GDPD5: variants seen among roughly 807,000 people sequenced by gnomAD.
GDPD5 encodes glycerophosphodiester phosphodiesterase 2.
A neutral mutation model predicts 75.1 loss-of-function variants in GDPD5; 48 were observed. That is an observed-to-expected ratio of 0.64 (90% CI 0.51 to 0.81). GDPD5 has a LOEUF of 0.81. GDPD5 is among the 40% of genes least tolerant of loss of function. The probability of loss-of-function intolerance (pLI) is 0.00; values close to 1 mark genes in which losing one functional copy is unlikely to be tolerated. For missense variants in GDPD5, 706 were observed against 822.6 expected (o/e 0.86, Z 1.73); for synonymous variants, 336 against 339.0 (o/e 0.99, Z 0.10).
chr11:75,485,505 T>C (rs927463471), intron 2 of GDPD5: 6 of 120,476 alleles, frequency 5.0e-5, no homozygotes, highest in Non-Finnish European at 8.6e-5. Context: ...AAAAAGTGTA[T>C]TAAATACACA....
intron 3 of GDPD5, among the ~76,000 whole-genome samples, chr11:75,471,020 G>C (rs887466361): frequency 6.6e-6 from 1 of 152,208 alleles, no homozygotes; most frequent in Non-Finnish European, 1.5e-5. Context: ...TGCACCCTCA[G>C]CACACGGTCC....
Position 75,441,229 on chromosome 11 carries a change from C to G in GDPD5, c.1407G>C (p.Gly469=). The stretch of plus-strand genomic sequence containing the variant: ...AGTTGTCAGAGGTGACGGATGGGAC[C>G]CCCGCACACCACAGCAGGGAGAAGA... ...PWLFSLLWCA[G]VPSVTSDNSH... Residue 469 remains glycine, a synonymous_variant, in exon 14 of 17, where the codon GGG becomes GGC. Coordinates refer to ENST00000336898, the MANE Select transcript of GDPD5 (RefSeq NM_030792.8). The G allele has an allele frequency of 6.2e-7, 1 of 1,614,084 alleles. No homozygotes were observed. The highest frequency in any genetic ancestry group is 8.5e-7 in the Non-Finnish European group (1 of 1,180,000).
intron 12 of GDPD5, 90 bp from the exon 13 acceptor site, chr11:75,441,893 G>C: frequency 7.7e-7 from 1 of 1,304,608 alleles, no homozygotes. Context: ...GGGGTTAAGA[G>C]ACAGGACCTG....
intron 14 of GDPD5, among the ~76,000 whole-genome samples, chr11:75,440,265 A>G (rs531063957): frequency 9.2e-5 from 14 of 152,112 alleles, no homozygotes; most frequent in Non-Finnish European, 1.9e-4. Flanking sequence ...GGGTCCTCAA[A>G]GCAGGAGCCA....
At chr11:75,476,598 C>T (rs1790153) in intron 3 of GDPD5, among the ~76,000 whole-genome samples, 89,204 of 151,900 alleles carry the variant, frequency 0.59, 27,155 homozygotes, top group East Asian at 0.79. Flanking sequence ...TGCCCTGTGG[C>T]CTTGGGCAGG....
rs149812576 is a variant in GDPD5, at chr11:75,504,825, T to C, written c.-144-14505A>G. Among the ~76,000 whole-genome samples, 26 of 152,278 alleles carry C rather than the reference T, an allele frequency of 1.7e-4. No homozygotes were observed. In the East Asian group the frequency reaches 4.8e-3, roughly 28 times the overall value. ...ATGTTTGTTAACTTAAATAATACAA[T>C]TTTTAAAAATACTCTCACTCGGCCA... On this transcript the variant is annotated intron_variant, in intron 1 of 16. Transcript: ENST00000336898.
chr11:75,506,510 T>A (rs567926763), intron 1 of GDPD5: 2 of 152,358 alleles, frequency 1.3e-5, no homozygotes, highest in East Asian at 3.9e-4. Flanking sequence ...CAAAGCCTTC[T>A]ATTCTTAGCT....
chr11:75,519,779 G>T (rs778941775), intron 1 of GDPD5, among the ~76,000 whole-genome samples: 42 of 152,312 alleles, frequency 2.8e-4, no homozygotes, highest in Admixed American at 1.8e-3. Flanking sequence ...CTCACAATTT[G>T]GAAGTTTTGC....
intron 3 of GDPD5, among the ~76,000 whole-genome samples, chr11:75,475,756 C>T (rs1949765182): frequency 6.6e-6 from 1 of 152,180 alleles, no homozygotes; most frequent in South Asian, 2.1e-4. Flanking sequence ...CCCAGAGCTG[C>T]TGTAAAGCCC....
intron 3 of GDPD5, among the ~76,000 whole-genome samples, chr11:75,475,866 G>A (rs1001696208): frequency 6.6e-6 from 1 of 152,160 alleles, no homozygotes; most frequent in East Asian, 1.9e-4. Flanking sequence ...AGCCTTGCAG[G>A]GCACATTCTG....
At chr11:75,506,479 C>T (rs894619145) in intron 1 of GDPD5, among the ~76,000 whole-genome samples, 2 of 152,216 alleles carry the variant, frequency 1.3e-5, no homozygotes, top group Non-Finnish European at 2.9e-5. Flanking sequence ...CTGATATGAT[C>T]CGGCTGCTAC....
At chr11:75,493,609 A>G (rs191708774) in intron 1 of GDPD5, among the ~76,000 whole-genome samples, 31 of 152,130 alleles carry the variant, frequency 2.0e-4, no homozygotes, top group African/African-American at 5.5e-4. Flanking sequence ...TTCTGTTAAG[A>G]TGCTGTGAAG....
At chr11:75,493,324 C>T (rs1445152223) in intron 1 of GDPD5, among the ~76,000 whole-genome samples, 3 of 151,710 alleles carry the variant, frequency 2.0e-5, no homozygotes, top group African/African-American at 7.3e-5. Context: ...GACCTGTAAT[C>T]CTAAACATTC....
At position 75,442,581 on chromosome 11, in the gene GDPD5, T is replaced by C; in HGVS notation, c.949A>G (p.Thr317Ala). ...RLNAGQWFLK[T>A]DPFWTASSLS... is the part of the protein sequence containing the mutation. Reference sequence around the variant, plus strand: ...GAGCTGGCTGTCCAGAAGGGGTCAGTCTGGCAGGGACAGGGACACACACAT... The same window carrying C: ...GAGCTGGCTGTCCAGAAGGGGTCAGCCTGGCAGGGACAGGGACACACACAT... Residue 317 changes from threonine (T) to alanine (A), a missense_variant and splice_region_variant, in exon 12 of 17, where the codon ACT (threonine) becomes GCT (alanine). Thr to Ala is a moderately conservative substitution (Grantham distance 58). Coordinates refer to ENST00000336898, the MANE Select transcript of GDPD5 (RefSeq NM_030792.8). 1.9e-6 allele frequency: 3 copies of C among 1,613,880 alleles called. No homozygotes were observed. Among genetic ancestry groups the C allele is most frequent in the Non-Finnish European group, 2.5e-6 (3 of 1,179,926 alleles).
At chr11:75,505,517 G>A (rs745851669) in intron 1 of GDPD5, among the ~76,000 whole-genome samples, 4 of 152,200 alleles carry the variant, frequency 2.6e-5, no homozygotes, top group Middle Eastern at 3.2e-3. Flanking sequence ...TACCATCAGA[G>A]AATGACCTGC....
At chr11:75,509,885 G>A (rs1950479489) in intron 1 of GDPD5, among the ~76,000 whole-genome samples, 1 of 152,160 alleles carries the variant, frequency 6.6e-6, no homozygotes, top group African/African-American at 2.4e-5. Flanking sequence ...TCACCATGTT[G>A]GCCAGGCTGG....
intron 1 of GDPD5, among the ~76,000 whole-genome samples, chr11:75,514,820 T>C (rs1950602716): frequency 6.6e-6 from 1 of 152,216 alleles, no homozygotes; most frequent in African/African-American, 2.4e-5. Flanking sequence ...ATGAACAGCA[T>C]ACAGAGAAGG....
At chr11:75,489,555 G>A (rs920262005) in intron 2 of GDPD5, among the ~76,000 whole-genome samples, 4 of 152,192 alleles carry the variant, frequency 2.6e-5, no homozygotes, top group Non-Finnish European at 4.4e-5. Context: ...TCCACTATTT[G>A]TCATTCATTC....
At position 75,457,738 on chromosome 11, in the gene GDPD5, G is replaced by A. The variant is rs1447568987; in HGVS notation, c.270C>T (p.Ile90=). The stretch of plus-strand genomic sequence containing the variant: ...CGAAGGCAGCAGCTGTGGTCACAAG[G>A]ATGGGTACGGGCCAGTCGCTCCAGT... The part of the protein sequence containing the change: ...MGYWSDWPVP[I]LVTTAAAFAY... The change falls in exon 5 of 17, where the codon ATC becomes ATT. Residue 90 remains isoleucine, a synonymous_variant. Coordinates refer to ENST00000336898, the MANE Select transcript of GDPD5 (RefSeq NM_030792.8). 6.2e-7 allele frequency: 1 copy of A among 1,614,170 alleles called. No individual in the cohort carries two copies. The highest frequency in any genetic ancestry group is 1.3e-5 in the African/African-American group (1 of 75,062).
Sources: gnomAD v4.1 joint callset for allele counts (sites outside exome capture counted in the v4.1 genomes callset) on GRCh38, gnomAD v4.1.1 for gene constraint, MANE v1.5 for transcripts, NCBI Gene and HGNC (gene_info 2026-07-23, HGNC 2026-07-21) for gene names.